Variants in ELOVL2 observed in about 807,000 individuals in gnomAD.
ELOVL2 encodes the protein ELOVL fatty acid elongase 2.
Under a neutral mutation model 37.7 loss-of-function variants are expected in ELOVL2, and 38 were observed. The ratio of observed to expected loss-of-function variants is 1.01; its 90% CI spans 0.78 to 1.32. The LOEUF (loss-of-function observed/expected upper bound fraction) is 1.32. Ranked by LOEUF, ELOVL2 falls within the 40% of genes most tolerant of loss-of-function variation. ELOVL2 has a pLI of 0.00. For missense variants in ELOVL2, 352 were observed against 363.6 expected, an observed-to-expected ratio of 0.97 and a Z score of 0.26; for synonymous variants, 115 against 122.3, an observed-to-expected ratio of 0.94 and a Z score of 0.40.
chr6:11,008,765 A>G (rs1362336931), intron 2 of ELOVL2, among the ~76,000 whole-genome samples: 1 of 152,212 alleles, frequency 6.6e-6, no homozygotes, highest in Non-Finnish European at 1.5e-5. Context: ...AAGCAAAAAA[A>G]CCTATGTGAA....
chr6:11,013,732 T>C (rs963351337), intron 1 of ELOVL2, among the ~76,000 whole-genome samples: 4 of 150,014 alleles, frequency 2.7e-5, no homozygotes, highest in African/African-American at 9.8e-5. Flanking sequence ...GCAGGATGGG[T>C]TTTTCAAGAT....
intron 1 of ELOVL2, among the ~76,000 whole-genome samples, chr6:11,017,318 G>C (rs1782698954): frequency 6.6e-6 from 1 of 152,242 alleles, no homozygotes; most frequent in South Asian, 2.1e-4. Flanking sequence ...ACTCAAGAGT[G>C]GTGCTATCAG....
intron 1 of ELOVL2, among the ~76,000 whole-genome samples, chr6:11,019,438 G>GAAAACTAAA (rs1443528243): frequency 1.3e-5 from 2 of 152,186 alleles, no homozygotes; most frequent in South Asian, 4.1e-4. Context: ...AAGCCTTAAA[G>GAAAACTAAA]AATGCTTTCC....
At chr6:11,040,246 A>C (rs1783079376) in intron 1 of ELOVL2, among the ~76,000 whole-genome samples, 1 of 152,170 alleles carries the variant, frequency 6.6e-6, no homozygotes, top group East Asian at 1.9e-4. Context: ...TGCTGGGTTT[A>C]AGGTGGCAGT....
chr6:11,016,621 T>C (rs888580035), intron 1 of ELOVL2, among the ~76,000 whole-genome samples: 1 of 151,938 alleles, frequency 6.6e-6, no homozygotes, highest in African/African-American at 2.4e-5. Flanking sequence ...GAAGAGGAGG[T>C]GTTATCTCCT....
At chr6:11,008,617 G>C (rs979142560) in intron 2 of ELOVL2, among the ~76,000 whole-genome samples, 8 of 152,018 alleles carry the variant, frequency 5.3e-5, no homozygotes, top group Non-Finnish European at 1.5e-5. Context: ...TAAGGGAGAG[G>C]GTCATGCCCT....
intron 1 of ELOVL2, among the ~76,000 whole-genome samples, chr6:11,014,838 TTTTC>T (rs1434409507): frequency 1.3e-5 from 2 of 152,222 alleles, no homozygotes; most frequent in South Asian, 4.1e-4. Context: ...TCTTTGAGGC[TTTTC>T]TTTTTTTACC....
At chr6:10,987,975 G>A (rs781462650) in intron 7 of ELOVL2, among the ~76,000 whole-genome samples, 3 of 151,964 alleles carry the variant, frequency 2.0e-5, no homozygotes, top group Non-Finnish European at 4.4e-5. Context: ...GTTTGAACCA[G>A]CATGTAGGGC....
chr6:11,020,477 C>A (rs954586411), intron 1 of ELOVL2, among the ~76,000 whole-genome samples: 2 of 152,204 alleles, frequency 1.3e-5, no homozygotes, highest in Non-Finnish European at 2.9e-5. Context: ...ATCCGACTAT[C>A]TTCAAAACAT....
intron 5 of ELOVL2, among the ~76,000 whole-genome samples, chr6:10,992,686 G>A (rs1236597564): frequency 2.4e-5 from 2 of 83,230 alleles, no homozygotes; most frequent in African/African-American, 1.0e-4. Context: ...CTACTCGGGA[G>A]GCTGAGGCAG....
At position 11,003,533 on chromosome 6, in the gene ELOVL2, A is replaced by G. The variant is rs141552421; in HGVS notation, c.255+1839T>C. ...GTATTCCATGGTGTATATGTGCCACATTTTCTTTATCCAGTCTATCATTGA... is the reference window on the plus strand; with the variant it reads ...GTATTCCATGGTGTATATGTGCCACGTTTTCTTTATCCAGTCTATCATTGA... On this transcript the variant is annotated intron_variant, in intron 3 of 7. Transcript: ENST00000354666. Among the ~76,000 whole-genome samples, 1,198 of 152,110 alleles carry G rather than the reference A, an allele frequency of 7.9e-3. 18 individuals carry two copies. The highest frequency in any genetic ancestry group is 0.027 in the African/African-American group (1,116 of 41,466).
chr6:10,987,327 G>GT (rs1453518152), intron 7 of ELOVL2, among the ~76,000 whole-genome samples: 1 of 151,986 alleles, frequency 6.6e-6, no homozygotes, highest in African/African-American at 2.4e-5. Flanking sequence ...TTTTTGAAGG[G>GT]TTTTTTGTGT....
At chr6:11,009,164 G>A (rs1782528598) in intron 2 of ELOVL2, among the ~76,000 whole-genome samples, 2 of 152,256 alleles carry the variant, frequency 1.3e-5, no homozygotes, top group South Asian at 4.2e-4. Context: ...GGGAGAAATC[G>A]CTGTTGGTAA....
At chr6:11,014,367 T>C (rs1782636725) in intron 1 of ELOVL2, among the ~76,000 whole-genome samples, 1 of 150,586 alleles carries the variant, frequency 6.6e-6, no homozygotes, top group African/African-American at 2.5e-5. Context: ...TATTCTCAGC[T>C]ACTCAGAAGG....
At chr6:10,987,245 C>G (rs2113466186) in intron 7 of ELOVL2, among the ~76,000 whole-genome samples, 1 of 152,164 alleles carries the variant, frequency 6.6e-6, no homozygotes, top group East Asian at 1.9e-4. Flanking sequence ...CTCTTTTCTT[C>G]TTTATTAGTC....
chr6:11,028,886 T>G lies in ELOVL2; in HGVS notation c.3+15342A>C, dbSNP rs182348843. ...TGGGACTTAAGAGAGGTAAAGCAAC[T>G]TGCCTGATTTCATAGAGCTGGTAAA... is the stretch of plus-strand genomic sequence containing the variant. On this transcript the variant is annotated intron_variant, in intron 1 of 7. Transcript: ENST00000354666. 1.1e-3 allele frequency among the ~76,000 whole-genome samples: 166 copies of G among 152,114 alleles called. No individual in the cohort carries two copies. In the East Asian group the frequency reaches 0.023, roughly 21 times the overall value.
chr6:11,025,954 T>C (rs558534670), intron 1 of ELOVL2, among the ~76,000 whole-genome samples: 1 of 152,278 alleles, frequency 6.6e-6, no homozygotes, highest in South Asian at 2.1e-4. Flanking sequence ...TTCCAACCTT[T>C]AAAAGAAAAA....
chr6:10,996,497 AT>A (rs1418465976), intron 4 of ELOVL2, among the ~76,000 whole-genome samples: 2 of 151,862 alleles, frequency 1.3e-5, no homozygotes, highest in Non-Finnish European at 2.9e-5. Context: ...GTGAAACCTC[AT>A]CTCCACTAAA....
chr6:10,986,482 G>C lies in ELOVL2; in HGVS notation c.766-2576C>G, dbSNP rs922106658. The stretch of plus-strand genomic sequence containing the variant: ...CCCATTCAGTATGATATTGGCTGTG[G>C]GTTTGTCATAGACAGCTCTTATTAT... On this transcript the variant is annotated intron_variant, in intron 7 of 7. Coordinates refer to ENST00000354666, the MANE Select transcript of ELOVL2 (RefSeq NM_017770.4). 2.0e-3 allele frequency among the ~76,000 whole-genome samples: 303 copies of C among 152,234 alleles called. 1 individual carries two copies. The highest frequency in any genetic ancestry group is 6.9e-3 in the African/African-American group (285 of 41,518).
Sources: gnomAD v4.1 joint callset for allele counts (sites outside exome capture counted in the v4.1 genomes callset) on GRCh38, gnomAD v4.1.1 for gene constraint, MANE v1.5 for transcripts, NCBI Gene and HGNC (gene_info 2026-07-23, HGNC 2026-07-21) for gene names.